Variants in TNKS observed in about 807,000 individuals in gnomAD.
TNKS encodes tankyrase, also known as poly [ADP-ribose] polymerase tankyrase-1.
A neutral mutation model predicts 135.8 loss-of-function variants in TNKS; 72 were observed. The ratio of observed to expected loss-of-function variants is 0.53; its 90% CI spans 0.44 to 0.64. The LOEUF is 0.64. Among genes scored for constraint, TNKS ranks in the 30% least tolerant of loss-of-function variants. The probability of loss-of-function intolerance (pLI) is 0.00; values close to 1 mark genes in which losing one functional copy is unlikely to be tolerated. For synonymous variants in TNKS, 849 were observed against 649.3 expected, an observed-to-expected ratio of 1.31 and a Z score of -4.68; for missense variants, 1,769 against 1,674.0, an observed-to-expected ratio of 1.06 and a Z score of -0.99.
chr8:9,763,199 G>A lies in TNKS; in HGVS notation c.3327G>A (p.Leu1109=). The change falls in exon 22 of 27, where the codon CTG becomes CTA. Residue 1109 remains leucine (L), a synonymous_variant. Coordinates refer to ENST00000310430, the MANE Select transcript of TNKS (RefSeq NM_003747.3). ...FHCVNQGTIL[L]DLAPEDKEYQ... is the part of the protein sequence containing the mutation. ...GTGTTAATCAGGGAACGATTTTGCT[G>A]GATCTTGCTCCAGAAGATAAAGAAT... is the stretch of plus-strand genomic sequence containing the variant. The A allele has an allele frequency of 6.2e-7, 1 of 1,607,030 alleles. No homozygotes were observed. Among genetic ancestry groups the A allele is most frequent in the Non-Finnish European group, 8.5e-7 (1 of 1,176,130 alleles).
chr8:9,708,802 T>G (rs1384752998), intron 9 of TNKS, among the ~76,000 whole-genome samples: 1 of 152,162 alleles, frequency 6.6e-6, no homozygotes, highest in Non-Finnish European at 1.5e-5. Flanking sequence ...CAATAGAATT[T>G]TTTTTTCTTA....
At chr8:9,715,352 C>G (rs1190770758) in intron 11 of TNKS, among the ~76,000 whole-genome samples, 12 of 98,826 alleles carry the variant, frequency 1.2e-4, no homozygotes, top group Non-Finnish European at 1.9e-4. Context: ...AGAGGTTGTA[C>G]TAGCAGCAGG....
chr8:9,739,895 G>C (rs922038065), intron 17 of TNKS, among the ~76,000 whole-genome samples: 1 of 61,440 alleles, frequency 1.6e-5, no homozygotes, highest in African/African-American at 6.9e-5. Context: ...TCACACTCTG[G>C]GGACTGTGGT....
chr8:9,589,958 C>T (rs959744521), intron 2 of TNKS, among the ~76,000 whole-genome samples: 5 of 152,228 alleles, frequency 3.3e-5, no homozygotes, highest in Non-Finnish European at 7.3e-5. Flanking sequence ...CATGTGCATG[C>T]TCCATTCATT....
intron 11 of TNKS, among the ~76,000 whole-genome samples, chr8:9,717,071 TAATATATATATA>T (rs1246266748): frequency 0.059 from 818 of 13,774 alleles, 98 homozygotes; most frequent in Middle Eastern, 0.15. Flanking sequence ...TGTTGTATTA[TAATATATATATA>T]TATATATATA....
At chr8:9,601,430 C>T (rs969216953) in intron 2 of TNKS, among the ~76,000 whole-genome samples, 4 of 152,166 alleles carry the variant, frequency 2.6e-5, no homozygotes, top group African/African-American at 4.8e-5. Flanking sequence ...GTTTGTATTG[C>T]CTCTTCTAGT....
intron 13 of TNKS, among the ~76,000 whole-genome samples, 186 bp downstream of exon 13, chr8:9,726,906 G>A (rs879827293): frequency 2.0e-5 from 3 of 152,018 alleles, no homozygotes; most frequent in African/African-American, 4.8e-5. Context: ...GAAACCATTT[G>A]TATATATATG....
chr8:9,673,967 TA>T (rs1802422399), intron 3 of TNKS, among the ~76,000 whole-genome samples: 1 of 152,192 alleles, frequency 6.6e-6, no homozygotes. Flanking sequence ...ACCTTCTAGT[TA>T]AAACATTACC....
At chr8:9,704,627 G>T (rs762925349) in intron 5 of TNKS, 36 bp from the exon 6 acceptor site, 3 of 1,544,804 alleles carry the variant, frequency 1.9e-6, no homozygotes, top group Admixed American at 1.8e-5. Flanking sequence ...TTGTTTGTTT[G>T]TTTTTACCTG....
chr8:9,645,564 G>T (rs1800889973), intron 3 of TNKS, among the ~76,000 whole-genome samples: 2 of 152,086 alleles, frequency 1.3e-5, no homozygotes, highest in South Asian at 2.1e-4. Context: ...TAAAAGATTT[G>T]CAGGGACCTC....
intron 8 of TNKS, 21 bp downstream of exon 8, chr8:9,707,018 A>T (rs866766565): frequency 2.8e-5 from 43 of 1,540,218 alleles, no homozygotes; most frequent in Non-Finnish European, 3.8e-5. Flanking sequence ...ATATCCCGAA[A>T]TCATTATCGC....
intron 2 of TNKS, among the ~76,000 whole-genome samples, chr8:9,604,759 T>C (rs565658460): frequency 8.6e-5 from 13 of 151,790 alleles, no homozygotes; most frequent in Middle Eastern, 6.8e-3. Context: ...TATGTATGTG[T>C]GTATGTATAT....
intron 17 of TNKS, among the ~76,000 whole-genome samples, chr8:9,740,373 A>T (rs1296385166): frequency 6.6e-6 from 1 of 152,172 alleles, no homozygotes; most frequent in African/African-American, 2.4e-5. Context: ...AGCCTGACAA[A>T]CTATAAATAA....
intron 2 of TNKS, 198 bp from the exon 3 acceptor site, chr8:9,615,384 C>T (rs1799600090): frequency 2.2e-6 from 1 of 446,574 alleles, no homozygotes; most frequent in South Asian, 3.6e-5. Flanking sequence ...TAATATTGTA[C>T]CATAAGTTGC....
chr8:9,728,959 G>A (rs920897580), intron 13 of TNKS, among the ~76,000 whole-genome samples: 4 of 152,040 alleles, frequency 2.6e-5, no homozygotes, highest in East Asian at 1.9e-4. Context: ...CCATAGACTG[G>A]GCAATTTCTA....
chr8:9,689,856 A>G lies in TNKS; in HGVS notation c.1107+9056A>G, dbSNP rs74452671. Among the ~76,000 whole-genome samples, 1,359 of 152,284 alleles carry G rather than the reference A, an allele frequency of 8.9e-3. 6 individuals carry two copies. The highest frequency in any genetic ancestry group is 0.015 in the Non-Finnish European group (1,035 of 68,020). ...ATCTAAGGTGGACCGATTCCCTCCT[A>G]TGTAATTATTAAATGCCGATCAGTG... On this transcript the variant is annotated intron_variant, in intron 5 of 26. Transcript: ENST00000310430.
intron 3 of TNKS, among the ~76,000 whole-genome samples, chr8:9,664,567 A>C (rs1263997561): frequency 6.6e-6 from 1 of 152,236 alleles, no homozygotes; most frequent in Non-Finnish European, 1.5e-5. Flanking sequence ...CACTCATCTG[A>C]AATTCCAAGA....
At chr8:9,660,197 A>C (rs986619563) in intron 3 of TNKS, among the ~76,000 whole-genome samples, 5 of 152,214 alleles carry the variant, frequency 3.3e-5, no homozygotes, top group African/African-American at 1.2e-4. Context: ...AAACTATTCC[A>C]ATCAATAGAA....
chr8:9,645,465 A>C (rs1055013116), intron 3 of TNKS, among the ~76,000 whole-genome samples: 4 of 152,178 alleles, frequency 2.6e-5, no homozygotes, highest in Non-Finnish European at 5.9e-5. Context: ...GACGAACCTC[A>C]GAACAATTTT....
Sources: allele counts gnomAD v4.1 joint callset (sites outside exome capture counted in the v4.1 genomes callset), GRCh38; gene constraint gnomAD v4.1.1; transcripts MANE v1.5; gene names NCBI Gene and HGNC (gene_info 2026-07-23, HGNC 2026-07-21).